The following ZNF160 variants were observed in gnomAD, a reference collection of about 807,000 sequenced individuals.
ZNF160 encodes zinc finger protein 160, also known as KRAB zinc finger protein KR18.
Under a neutral mutation model 13.1 loss-of-function variants are expected in ZNF160, and 9 were observed. The ratio of observed to expected loss-of-function variants is 0.69; its 90% CI spans 0.41 to 1.20. The LOEUF (loss-of-function observed/expected upper bound fraction) is 1.20. Among genes scored for constraint, ZNF160 ranks in the 50% most tolerant of loss-of-function variants. The probability of loss-of-function intolerance (pLI) is 0.01; values close to 1 mark genes in which losing one functional copy is unlikely to be tolerated. For missense variants in ZNF160, 838 were observed against 988.0 expected, an observed-to-expected ratio of 0.85 and a Z score of 2.04; for synonymous variants, 293 against 333.2, an observed-to-expected ratio of 0.88 and a Z score of 1.31.
At chr19:53,070,969 G>A (rs1411783986) in intron 5 of ZNF160, among the ~76,000 whole-genome samples, 2 of 151,938 alleles carry the variant, frequency 1.3e-5, no homozygotes, top group African/African-American at 4.8e-5. Context: ...AGGCTAAGGT[G>A]GGTGGATCAT....
intron 5 of ZNF160, chr19:53,073,243 G>C: frequency 1.4e-6 from 2 of 1,471,708 alleles, no homozygotes; most frequent in South Asian, 2.8e-5. Flanking sequence ...CTGTGCTGAA[G>C]CCTGGAAAAA....
chr19:53,091,109 C>G (rs1458515617), intron 2 of ZNF160: 1 of 152,160 alleles, frequency 6.6e-6, no homozygotes, highest in Non-Finnish European at 1.5e-5. Context: ...GGCTGTAATC[C>G]CAGCCGAAGC....
chr19:53,097,560 G>A (rs986587890), intron 1 of ZNF160, among the ~76,000 whole-genome samples: 2 of 152,138 alleles, frequency 1.3e-5, no homozygotes, highest in African/African-American at 4.8e-5. Flanking sequence ...GGAACTCACT[G>A]ACCCAGGGCA....
At chr19:53,077,050 T>C (rs2084418416) in intron 3 of ZNF160, 1 of 152,114 alleles carries the variant, frequency 6.6e-6, no homozygotes, top group Non-Finnish European at 1.5e-5. Context: ...AGGAAGCTAC[T>C]GAGAACAAAG....
At chr19:53,100,921 G>C (rs2085424124) in intron 1 of ZNF160, among the ~76,000 whole-genome samples, 1 of 149,010 alleles carries the variant, frequency 6.7e-6, no homozygotes, top group Non-Finnish European at 1.5e-5. Context: ...AGGTGGAGGT[G>C]GCAGTGAGCC....
chr19:53,068,446 T>C lies in ZNF160; in HGVS notation c.2088A>G (p.Gln696=), dbSNP rs148508342. Residue 696 remains glutamine (Q), a synonymous_variant, in exon 6 of 6, where the codon CAA becomes CAG. Transcript: ENST00000683776. ...AAGGTTTCTCTCCGGTGTGAGTCCT[T>C]TGATGATTTGCAAGGTGTGAGTTCT... is the stretch of plus-strand genomic sequence containing the variant. ...FTQNSHLANH[Q]RTHTGEKPYR... 878 of 1,613,038 alleles carry C rather than the reference T, an allele frequency of 5.4e-4. 6 individuals carry two copies. The African/African-American group carries it at 0.01, about 19-fold the overall frequency.
At chr19:53,102,023 T>C (rs990267825) in intron 1 of ZNF160, among the ~76,000 whole-genome samples, 1 of 152,064 alleles carries the variant, frequency 6.6e-6, no homozygotes, top group African/African-American at 2.4e-5. Context: ...GCCTCTCACT[T>C]TCACCTTGTC....
In ZNF160 at chr19:53,069,813, A is replaced by G; in HGVS notation, c.721T>C (p.Phe241Leu). ...TTTCGTCTTTGTGTGAGTAATGAAA[A>G]ATGGTTAAGTTCATGATATTTTTTA... is the stretch of plus-strand genomic sequence containing the variant. ...RSKKYHELNH[F>L]SLLTQRRKAN... The change falls in exon 6 of 6, where the codon TTT becomes CTT. Residue 241 changes from phenylalanine (F) to leucine (L), a missense_variant. Transcript: ENST00000683776. The surrounding 1 kb of genome is among the most constrained non-coding windows in gnomAD (Gnocchi z 4.4). 6.2e-7 allele frequency: 1 copy of G among 1,614,188 alleles called. No individual in the cohort carries two copies. Among genetic ancestry groups the G allele is most frequent in the South Asian group, 1.1e-5 (1 of 91,084 alleles).
chr19:53,097,207 A>G (rs942530857), intron 1 of ZNF160, among the ~76,000 whole-genome samples: 25 of 122,166 alleles, frequency 2.0e-4, no homozygotes, highest in Non-Finnish European at 3.9e-4. Context: ...TATCTTCCCA[A>G]GGACAGTCCC....
rs541764063 is a variant in ZNF160, at chr19:53,102,807, C to A, written c.-354+458G>T. On this transcript the variant is annotated intron_variant, in intron 1 of 5. Transcript: ENST00000683776. ...GGTGGAGCTGGGCAGGCAAAAACAC[C>A]GGGTGTCACAGGACGGGCCCCGGGC... 1.9e-4 allele frequency among the ~76,000 whole-genome samples: 29 copies of A among 152,288 alleles called. No homozygotes were observed. In the East Asian group the frequency reaches 5.4e-3, roughly 28 times the overall value.
chr19:53,085,569 C>T (rs1022744549), intron 3 of ZNF160: 1 of 156,156 alleles, frequency 6.4e-6, no homozygotes, highest in African/African-American at 2.4e-5. Flanking sequence ...GGTTGTTCTG[C>T]TTATATGCCA....
intron 3 of ZNF160, chr19:53,084,908 G>C (rs1056109983): frequency 6.6e-6 from 1 of 150,940 alleles, no homozygotes; most frequent in African/African-American, 2.4e-5. Flanking sequence ...AACTCTCCAC[G>C]ATCCATAGTG....
At chr19:53,073,104 C>T in intron 5 of ZNF160, 1 of 1,096,866 alleles carries the variant, frequency 9.1e-7, no homozygotes, top group South Asian at 2.0e-5. Flanking sequence ...AATGTTTTCA[C>T]CCAGTGACCA....
chr19:53,103,009 C>A (rs62115443), intron 1 of ZNF160, among the ~76,000 whole-genome samples: 1 of 152,146 alleles, frequency 6.6e-6, no homozygotes, highest in Non-Finnish European at 1.5e-5. Context: ...GGGTCGGCGG[C>A]GCTGCGCTCC....
At chr19:53,071,604 A>G (rs2084179784) in intron 5 of ZNF160, among the ~76,000 whole-genome samples, 1 of 151,646 alleles carries the variant, frequency 6.6e-6, no homozygotes, top group South Asian at 2.1e-4. Context: ...TCAAGGTTAC[A>G]GTGAGCTATG....
rs2084107858 is a variant in ZNF160 at position 53,070,012 on chromosome 19, G to C, written c.522C>G (p.Asn174Lys). ...RDQRDRRDIENKLMNNQLGVS... is the reference protein window; with the variant it reads ...RDQRDRRDIEKKLMNNQLGVS... ...CTCCAAGCTGATTGTTCATAAGCTT[G>C]TTTTCTATGTCTCTTCTGTCGCGTT... Residue 174 changes from asparagine (N) to lysine (K), a missense_variant, in exon 6 of 6, where the codon AAC becomes AAG. This residue lies in a region of ZNF160 where 387 missense variants were observed against 402.3 expected (regional missense o/e 0.96). Coordinates refer to ENST00000683776, the MANE Select transcript of ZNF160 (RefSeq NM_001322131.2). 6.2e-7 allele frequency: 1 copy of C among 1,613,972 alleles called. No homozygotes were observed. The highest frequency in any genetic ancestry group is 8.5e-7 in the Non-Finnish European group (1 of 1,179,966).
chr19:53,076,502 G>C (rs2084396460), intron 3 of ZNF160, among the ~76,000 whole-genome samples: 1 of 152,188 alleles, frequency 6.6e-6, no homozygotes. Context: ...AGCCAGGCGT[G>C]GTGGCAGGCG....
At position 53,074,079 on chromosome 19, in the gene ZNF160, T is replaced by C. The variant is rs550268300; in HGVS notation, c.271+61A>G. Reference sequence around the variant, plus strand: ...TGTTGAGATTACAGGCGTGAGCTACTGTGCCCCCTCCCACACTCTAGTTAA... The same window carrying C: ...TGTTGAGATTACAGGCGTGAGCTACCGTGCCCCCTCCCACACTCTAGTTAA... On this transcript the variant is annotated intron_variant, in intron 5 of 5. Transcript: ENST00000683776. 186 of 1,550,264 alleles carry C rather than the reference T, an allele frequency of 1.2e-4. 4 individuals carry two copies. In the South Asian group the frequency reaches 2.0e-3, roughly 17 times the overall value.
At position 53,068,118 on chromosome 19, in the gene ZNF160, T is replaced by A; in HGVS notation, c.2416A>T (p.Ser806Cys). 6.2e-7 allele frequency: 1 copy of A among 1,613,184 alleles called. No individual in the cohort carries two copies. The highest frequency in any genetic ancestry group is 8.5e-7 in the Non-Finnish European group (1 of 1,179,470). Reference sequence around the variant, plus strand: ...TCTCCGGTATGCATTCTGTGATGACTTGCAAGATTTGAACTCTGCCTGAAG... The same window carrying A: ...TCTCCGGTATGCATTCTGTGATGACATGCAAGATTTGAACTCTGCCTGAAG... Reference protein sequence around the residue: ...KVFRQSSNLASHHRMHTGEKP... With the variant: ...KVFRQSSNLACHHRMHTGEKP... The change falls in exon 6 of 6, where the codon AGT becomes TGT. Residue 806 changes from serine to cysteine, a missense_variant. Physicochemically the swap from Ser to Cys is moderately radical, Grantham distance 112 (BLOSUM62 -1). Around this residue, in one of 3 missense-constraint regions of ZNF160, gnomAD observed 51 missense variants for 46.9 expected, o/e 1.09. Transcript: ENST00000683776.
Sources: allele counts gnomAD v4.1 joint callset (sites outside exome capture counted in the v4.1 genomes callset), GRCh38; gene constraint gnomAD v4.1.1; regional missense constraint gnomAD v4.1.1; non-coding constraint Gnocchi (gnomAD v3.1); transcripts MANE v1.5; gene names NCBI Gene and HGNC (gene_info 2026-07-23, HGNC 2026-07-21).